CECR2: variants seen among roughly 807,000 people sequenced by gnomAD.
The protein encoded by CECR2 is CECR2 histone acetyl-lysine reader.
Under a neutral mutation model 154.5 loss-of-function variants are expected in CECR2, and 30 were observed. The observed-to-expected ratio is 0.19, with a 90% CI of 0.15 to 0.26. The LOEUF is 0.26. Ranked by LOEUF, CECR2 falls within the 10% of genes least tolerant of loss-of-function variation. The pLI is 1.00. For missense variants in CECR2, 1,743 were observed against 1,829.3 expected (o/e 0.95, Z 0.86); for synonymous variants, 725 against 683.7 (o/e 1.06, Z -0.94).
chr22:17,409,683 G>A (rs1318384834), intron 1 of CECR2, among the ~76,000 whole-genome samples: 2 of 111,834 alleles, frequency 1.8e-5, no homozygotes, highest in Non-Finnish European at 4.3e-5. Flanking sequence ...ACTCTTTTCT[G>A]TTTTCTTCTT....
Position 17,480,419 on chromosome 22 carries a change from TACACACACAC to T in CECR2, c.221+2769_221+2778del, listed in dbSNP as rs55977287. Reference sequence around the variant, plus strand: ...CTTGAAACTTACTACTCATGTATAATACACACACACACACACACACACACACACACACACA... The same window carrying T: ...CTTGAAACTTACTACTCATGTATAATACACACACACACACACACACACACA... On this transcript the variant is annotated intron_variant, in intron 2 of 18. Transcript: ENST00000262608. 1.7e-3 allele frequency among the ~76,000 whole-genome samples: 238 copies of T among 137,424 alleles called. 1 individual carries two copies. The highest frequency in any genetic ancestry group is 4.5e-3 in the African/African-American group (167 of 37,476). 90.2% of individuals were successfully genotyped at this position (137,424 alleles called of 152,430 possible). A position where few individuals can be genotyped will look rare whatever the true frequency, so the allele number is the denominator to read the frequency against.
intron 1 of CECR2, among the ~76,000 whole-genome samples, chr22:17,360,518 C>T (rs34741746): frequency 0.28 from 42,011 of 151,996 alleles, 6,604 homozygotes; most frequent in South Asian, 0.41. Flanking sequence ...CCCGTATCTA[C>T]TAAAAATACA....
intron 1 of CECR2, among the ~76,000 whole-genome samples, chr22:17,413,838 G>A (rs1213903139): frequency 1.3e-5 from 2 of 150,196 alleles, no homozygotes; most frequent in African/African-American, 2.5e-5. Flanking sequence ...CACCACGGCC[G>A]GCTAATTTTT....
chr22:17,504,460 G>A (rs1160594781), intron 6 of CECR2, among the ~76,000 whole-genome samples: 3 of 140,158 alleles, frequency 2.1e-5, no homozygotes, highest in East Asian at 1.9e-4. Flanking sequence ...TATTTGAGAC[G>A]GAGTCTCACT....
At chr22:17,525,239 C>T (rs2056238592) in intron 9 of CECR2, among the ~76,000 whole-genome samples, 1 of 118,990 alleles carries the variant, frequency 8.4e-6, no homozygotes, top group Non-Finnish European at 1.6e-5. Context: ...GAGCCAAGAT[C>T]GTGCCATTGT....
Position 17,524,255 on chromosome 22 carries a change from G to A in CECR2, c.1092G>A (p.Lys364=). Residue 364 remains lysine, a synonymous_variant, in exon 9 of 19, where the codon AAG becomes AAA. Transcript: ENST00000262608. Reference sequence around the variant, plus strand: ...AGAGGAAACGCGAGTTGGAGGAGAAGGTCAAGGCAGTGGAAGGTATGTGCA... The same window carrying A: ...AGAGGAAACGCGAGTTGGAGGAGAAAGTCAAGGCAGTGGAAGGTATGTGCA... ...KEERKRELEE[K]VKAVEDRAKR... 6.2e-7 allele frequency: 1 copy of A among 1,609,144 alleles called. No homozygotes were observed. Among genetic ancestry groups the A allele is most frequent in the Non-Finnish European group, 8.5e-7 (1 of 1,178,046 alleles).
At position 17,542,444 on chromosome 22, in the gene CECR2, T is replaced by A. The variant is rs773392224; in HGVS notation, c.2301T>A (p.Asn767Lys). ...TGTATCGATCGTACAAGTACCTGAATCGAGTACACTCTGCCGTCTGGAATG... is the reference window on the plus strand; with the variant it reads ...TGTATCGATCGTACAAGTACCTGAAACGAGTACACTCTGCCGTCTGGAATG... ...SHMYRSYKYL[N>K]RVHSAVWNGN... The change falls in exon 16 of 19, where the codon AAT becomes AAA. Residue 767 changes from asparagine to lysine, a missense_variant. By Grantham distance (94) the Asn-to-Lys change is moderately conservative. Transcript: ENST00000262608. The A allele has an allele frequency of 5.6e-6, 9 of 1,613,894 alleles. No homozygotes were observed. Among genetic ancestry groups the A allele is most frequent in the Non-Finnish European group, 6.8e-6 (8 of 1,179,866 alleles).
At chr22:17,410,732 C>T (rs1346231036) in intron 1 of CECR2, among the ~76,000 whole-genome samples, 3 of 152,216 alleles carry the variant, frequency 2.0e-5, no homozygotes. Flanking sequence ...AGGCATGAGT[C>T]ACCACGCCTG....
chr22:17,434,818 A>G (rs1389757781), intron 1 of CECR2, among the ~76,000 whole-genome samples: 2 of 152,068 alleles, frequency 1.3e-5, no homozygotes, highest in South Asian at 2.1e-4. Context: ...GTCAGAGAGT[A>G]TTTTGTTGAA....
intron 1 of CECR2, among the ~76,000 whole-genome samples, chr22:17,475,373 G>A (rs2146786045): frequency 6.6e-6 from 1 of 152,250 alleles, no homozygotes; most frequent in South Asian, 2.1e-4. Flanking sequence ...GGTGACCTGG[G>A]TTTCCACTCA....
chr22:17,542,078 C>T (rs1293233167), intron 15 of CECR2, 79 bp from the exon 16 acceptor site: 16 of 1,570,938 alleles, frequency 1.0e-5, no homozygotes, highest in Non-Finnish European at 1.4e-5. Context: ...CCCAAAGAGT[C>T]TGTTCCCATA....
chr22:17,532,700 C>CTTT lies in CECR2; in HGVS notation c.1109-4370_1109-4368dup, dbSNP rs695634. ...CCAAGTAGGTATATTCATTATTATT[C>CTTT]TTTTTTTTTTTTTTTTTTTTTTTTT... On this transcript the variant is annotated intron_variant, in intron 9 of 18. Transcript: ENST00000262608. 7.7e-3 allele frequency among the ~76,000 whole-genome samples: 277 copies of CTTT among 35,796 alleles called. 61 individuals carry two copies. Among genetic ancestry groups the CTTT allele is most frequent in the South Asian group, 0.015 (9 of 590 alleles). 23.5% of individuals were successfully genotyped at this position (35,796 alleles called of 152,430 possible).
intron 1 of CECR2, among the ~76,000 whole-genome samples, chr22:17,439,181 T>C (rs963767233): frequency 6.7e-6 from 1 of 150,008 alleles, no homozygotes; most frequent in African/African-American, 2.5e-5. Context: ...TTTTTTTTTT[T>C]TGGATGTTCC....
intron 8 of CECR2, among the ~76,000 whole-genome samples, chr22:17,519,723 G>A (rs1250062534): frequency 4.0e-5 from 6 of 151,448 alleles, no homozygotes; most frequent in Admixed American, 2.6e-4. Flanking sequence ...TGGCTTTTGG[G>A]TTTTTTCTCT....
At chr22:17,420,563 T>C (rs2146599864) in intron 1 of CECR2, among the ~76,000 whole-genome samples, 1 of 152,306 alleles carries the variant, frequency 6.6e-6, no homozygotes, top group Non-Finnish European at 1.5e-5. Context: ...GGTTAGTGTG[T>C]TATTTATTGA....
intron 2 of CECR2, among the ~76,000 whole-genome samples, chr22:17,484,316 A>G (rs1447095607): frequency 2.0e-5 from 3 of 152,094 alleles, no homozygotes; most frequent in Non-Finnish European, 4.4e-5. Flanking sequence ...CAGCCTCCTG[A>G]TCCTGAGGAA....
chr22:17,544,627 A>G (rs1223575711), intron 16 of CECR2, among the ~76,000 whole-genome samples: 2 of 151,604 alleles, frequency 1.3e-5, no homozygotes, highest in Non-Finnish European at 1.5e-5. Context: ...CCTGCCCAAC[A>G]TGGCAAAACC....
intron 1 of CECR2, among the ~76,000 whole-genome samples, chr22:17,468,804 G>A (rs1261474361): frequency 6.6e-6 from 1 of 152,156 alleles, no homozygotes; most frequent in African/African-American, 2.4e-5. Flanking sequence ...AAATATCACA[G>A]ACTGAGTAAT....
chr22:17,386,532 T>A (rs1267855992), intron 1 of CECR2, among the ~76,000 whole-genome samples: 1 of 152,172 alleles, frequency 6.6e-6, no homozygotes, highest in African/African-American at 2.4e-5. Context: ...TCAATCCCCT[T>A]CTTTGTGCCA....
Sources: allele counts gnomAD v4.1 joint callset (sites outside exome capture counted in the v4.1 genomes callset), GRCh38; gene constraint gnomAD v4.1.1; transcripts MANE v1.5; gene names NCBI Gene and HGNC (gene_info 2026-07-23, HGNC 2026-07-21).